Variants in ZFHX3 observed in about 807,000 individuals in gnomAD.
The protein encoded by ZFHX3 is zinc finger homeobox protein 3.
ZFHX3 carries 42 observed loss-of-function variants against 279.1 expected under a neutral mutation model. The ratio of observed to expected loss-of-function variants is 0.15; its 90% CI spans 0.12 to 0.19. The LOEUF (loss-of-function observed/expected upper bound fraction) is 0.19. Among genes scored for constraint, ZFHX3 ranks in the 10% least tolerant of loss-of-function variants. The pLI is 1.00. For missense variants in ZFHX3, 4,981 were observed against 4,754.0 expected (o/e 1.05, Z -1.40); for synonymous variants, 2,293 against 1,957.8 (o/e 1.17, Z -4.52).
chr16:73,529,428 C>T (rs182702228), intron 2 of ZFHX3, among the ~76,000 whole-genome samples: 1 of 152,166 alleles, frequency 6.6e-6, no homozygotes, highest in Non-Finnish European at 1.5e-5. Context: ...TGTGTTCAAA[C>T]AGCCTCCCAA....
intron 6 of ZFHX3, among the ~76,000 whole-genome samples, chr16:73,140,935 T>C (rs1432838573): frequency 6.6e-6 from 1 of 152,062 alleles, no homozygotes; most frequent in Non-Finnish European, 1.5e-5. Flanking sequence ...ATTTGGAGGA[T>C]CAAGTGATGG....
chr16:73,143,795 G>A (rs1185161107), exon 6 of ZFHX3: 1 of 1,305,126 alleles, frequency 7.7e-7, no homozygotes, highest in East Asian at 5.5e-5. Flanking sequence ...ATAGCGCTAG[G>A]CTAGACTTCT....
intron 3 of ZFHX3, among the ~76,000 whole-genome samples, chr16:72,938,869 A>T (rs1231591732): frequency 1.3e-5 from 2 of 152,218 alleles, no homozygotes; most frequent in Non-Finnish European, 2.9e-5. Flanking sequence ...AAAAAAAATT[A>T]ATAATGAAAA....
At chr16:73,782,246 G>T (rs964558310) in intron 1 of ZFHX3, among the ~76,000 whole-genome samples, 46 of 152,230 alleles carry the variant, frequency 3.0e-4, no homozygotes, top group African/African-American at 1.0e-3. Flanking sequence ...TGTTTTGTTG[G>T]GTAGGTGAAT....
intron 1 of ZFHX3, among the ~76,000 whole-genome samples, chr16:73,055,698 GCACACA>G (rs71156135): frequency 1.2e-4 from 13 of 109,434 alleles, no homozygotes; most frequent in Non-Finnish European, 2.3e-4. Flanking sequence ...GCGCGCGCGC[GCACACA>G]CACACACACA....
At chr16:73,550,213 C>T (rs1012591286) in intron 2 of ZFHX3, among the ~76,000 whole-genome samples, 1 of 152,102 alleles carries the variant, frequency 6.6e-6, no homozygotes, top group Non-Finnish European at 1.5e-5. Context: ...CAGATGACGG[C>T]TCATTGAGGC....
chr16:72,957,387 C>T (rs2157786), intron 2 of ZFHX3, 40 bp downstream of exon 2: 1,023,247 of 1,552,348 alleles, frequency 0.66, 343,153 homozygotes, highest in Non-Finnish European at 0.69. Context: ...CCTGGTTAAA[C>T]TCCTATCATG....
chr16:73,001,347 C>T (rs1021483604), intron 1 of ZFHX3, among the ~76,000 whole-genome samples: 4 of 152,170 alleles, frequency 2.6e-5, no homozygotes, highest in African/African-American at 9.7e-5. Flanking sequence ...AGACCACGGC[C>T]CCAGGTAAAC....
chr16:73,226,083 A>T (rs77035260), intron 5 of ZFHX3, among the ~76,000 whole-genome samples: 2,076 of 152,354 alleles, frequency 0.014, 45 homozygotes, highest in African/African-American at 0.046. Flanking sequence ...AACTGGGGAC[A>T]TAGGGGCACA....
chr16:73,415,304 G>A (rs930135501), intron 3 of ZFHX3, among the ~76,000 whole-genome samples: 7 of 152,168 alleles, frequency 4.6e-5, no homozygotes, highest in African/African-American at 1.7e-4. Flanking sequence ...CTTGAGGTCT[G>A]CATGTTTTGT....
exon 1 of ZFHX3, chr16:73,059,524 T>TTCCCTCTC (rs1965652253): frequency 9.7e-6 from 1 of 103,252 alleles, no homozygotes; most frequent in African/African-American, 3.7e-5. Flanking sequence ...ATTTTCCCCT[T>TTCCCTCTC]TCTCTCTCTC....
At chr16:72,904,756 A>G (rs889148758) in intron 3 of ZFHX3, among the ~76,000 whole-genome samples, 23 of 147,212 alleles carry the variant, frequency 1.6e-4, no homozygotes, top group Admixed American at 1.0e-3. Context: ...CCTGAGCTAA[A>G]ACAGTGGCTC....
chr16:73,179,032 CA>C (rs1377281909), intron 5 of ZFHX3, among the ~76,000 whole-genome samples: 15 of 152,130 alleles, frequency 9.9e-5, no homozygotes, highest in African/African-American at 3.6e-4. Flanking sequence ...CCAACATAAC[CA>C]AAGATTTTAT....
chr16:72,986,615 G>A (rs776558918), intron 1 of ZFHX3, among the ~76,000 whole-genome samples: 1 of 152,126 alleles, frequency 6.6e-6, no homozygotes, highest in Admixed American at 6.5e-5. Context: ...CGTTTTCCTC[G>A]AGACGCAAGT....
intron 1 of ZFHX3, among the ~76,000 whole-genome samples, chr16:73,784,107 G>A (rs1199543656): frequency 2.6e-5 from 4 of 151,954 alleles, no homozygotes; most frequent in Non-Finnish European, 5.9e-5. Flanking sequence ...GGCTGTTTTG[G>A]AGAGATGGCA....
intron 6 of ZFHX3, among the ~76,000 whole-genome samples, chr16:73,141,912 T>G (rs1966848647): frequency 6.6e-6 from 1 of 152,160 alleles, no homozygotes; most frequent in East Asian, 1.9e-4. Context: ...CAGGGTGGTT[T>G]AGGACCTGTT....
exon 4 of ZFHX3, chr16:73,318,308 G>A (rs1014096387): frequency 2.6e-5 from 4 of 152,094 alleles, no homozygotes; most frequent in African/African-American, 7.2e-5. Context: ...TTCTCGGCCC[G>A]ACCTCTTCCC....
intron 2 of ZFHX3, among the ~76,000 whole-genome samples, chr16:73,601,344 C>T (rs981594249): frequency 2.0e-5 from 3 of 150,832 alleles, no homozygotes; most frequent in Non-Finnish European, 2.9e-5. Flanking sequence ...GTGGCACATG[C>T]CAGTAATCTC....
intron 3 of ZFHX3, among the ~76,000 whole-genome samples, chr16:73,428,627 A>T (rs1306187545): frequency 6.6e-6 from 1 of 152,162 alleles, no homozygotes; most frequent in African/African-American, 2.4e-5. Flanking sequence ...ATGTCCATTT[A>T]TAACTCCATC....
Sources: allele counts gnomAD v4.1 joint callset (sites outside exome capture counted in the v4.1 genomes callset), GRCh38; gene constraint gnomAD v4.1.1; transcripts MANE v1.5; gene names NCBI Gene and HGNC (gene_info 2026-07-23, HGNC 2026-07-21).